CSMD1: variants seen among roughly 807,000 people sequenced by gnomAD.
CSMD1 encodes the protein CUB and Sushi multiple domains 1, also known as CUB and sushi domain-containing protein 1.
A neutral mutation model predicts 417.5 loss-of-function variants in CSMD1; 213 were observed. The observed-to-expected ratio is 0.51, with a 90% CI of 0.46 to 0.57. The LOEUF (loss-of-function observed/expected upper bound fraction) is 0.57, where lower values mean the gene tolerates loss of function less well. Among genes scored for constraint, CSMD1 ranks in the 20% least tolerant of loss-of-function variants. The pLI is 0.00. For synonymous variants in CSMD1, 2,862 were observed against 1,736.8 expected, an observed-to-expected ratio of 1.65 and a Z score of -16.11; for missense variants, 6,923 against 4,529.7, an observed-to-expected ratio of 1.53 and a Z score of -15.17.
chr8:3,669,143 G>C (rs1401848746), intron 7 of CSMD1, among the ~76,000 whole-genome samples: 5 of 152,180 alleles, frequency 3.3e-5, no homozygotes, highest in South Asian at 2.1e-4. Flanking sequence ...GGGCAGAATG[G>C]TTAAAACAAG....
intron 23 of CSMD1, among the ~76,000 whole-genome samples, chr8:3,314,304 G>A (rs1030863478): frequency 6.6e-6 from 1 of 152,100 alleles, no homozygotes; most frequent in African/African-American, 2.4e-5. Context: ...ATTCTACAAA[G>A]ATATTCTTCC....
rs564927181 is a variant in CSMD1, at chr8:4,196,402, C to A, written c.416-164303G>T. On this transcript the variant is annotated intron_variant, in intron 3 of 69. Coordinates refer to ENST00000635120, the MANE Select transcript of CSMD1 (RefSeq NM_033225.6). ...GAAATTCAATACAGGCCTCACTAGACAAAAATCAAGGCGTTTTCAGGCTAC... is the reference window on the plus strand; with the variant it reads ...GAAATTCAATACAGGCCTCACTAGAAAAAAATCAAGGCGTTTTCAGGCTAC... Among the ~76,000 whole-genome samples, 508 of 152,164 alleles carry A rather than the reference C, an allele frequency of 3.3e-3. 8 individuals carry two copies. The highest frequency in any genetic ancestry group is 1.6e-3 in the Non-Finnish European group (110 of 68,004).
At chr8:3,848,370 C>T (rs765313720) in intron 5 of CSMD1, among the ~76,000 whole-genome samples, 1 of 150,622 alleles carries the variant, frequency 6.6e-6, no homozygotes, top group Non-Finnish European at 1.5e-5. Context: ...GAAAAAGACT[C>T]ATTTTTTTTC....
intron 3 of CSMD1, among the ~76,000 whole-genome samples, chr8:4,134,115 G>C (rs1304512019): frequency 1.3e-5 from 2 of 152,060 alleles, no homozygotes; most frequent in South Asian, 2.1e-4. Flanking sequence ...GCTGGTATAA[G>C]AATATCAAAT....
chr8:3,984,560 A>G (rs1724297192), intron 5 of CSMD1, among the ~76,000 whole-genome samples: 1 of 151,576 alleles, frequency 6.6e-6, no homozygotes, highest in Admixed American at 6.6e-5. Flanking sequence ...ATTAAAAAAT[A>G]TATATATAGC....
intron 2 of CSMD1, among the ~76,000 whole-genome samples, chr8:4,515,593 A>G (rs1277275628): frequency 6.6e-6 from 1 of 152,228 alleles, no homozygotes; most frequent in Non-Finnish European, 1.5e-5. Context: ...CTTGCCTTAC[A>G]TGAGACATCT....
intron 26 of CSMD1, among the ~76,000 whole-genome samples, chr8:3,231,447 A>C (rs1798832543): frequency 6.6e-6 from 1 of 152,178 alleles, no homozygotes; most frequent in Non-Finnish European, 1.5e-5. Context: ...GCCTTAAAGT[A>C]ATGAGTAGGC....
chr8:3,946,945 T>A (rs994287384), intron 5 of CSMD1, among the ~76,000 whole-genome samples: 1 of 152,208 alleles, frequency 6.6e-6, no homozygotes, highest in Non-Finnish European at 1.5e-5. Context: ...AACTTTTGTA[T>A]AGATTTAAAA....
chr8:3,565,678 A>T (rs1443291593), intron 10 of CSMD1, among the ~76,000 whole-genome samples: 3 of 152,312 alleles, frequency 2.0e-5, no homozygotes, highest in Admixed American at 6.5e-5. Flanking sequence ...TCTGATAAAC[A>T]TATCAGGATT....
At chr8:3,950,757 A>C (rs1053924593) in intron 5 of CSMD1, among the ~76,000 whole-genome samples, 2 of 152,128 alleles carry the variant, frequency 1.3e-5, no homozygotes, top group Non-Finnish European at 2.9e-5. Context: ...TTTATCTCTT[A>C]CCTCATCGCT....
chr8:4,325,208 T>C (rs1199301563), intron 3 of CSMD1, among the ~76,000 whole-genome samples: 2 of 152,172 alleles, frequency 1.3e-5, no homozygotes, highest in African/African-American at 2.4e-5. Context: ...AAACAGATGA[T>C]ACATTTCCAG....
chr8:4,253,531 A>C (rs1340507775), intron 3 of CSMD1, among the ~76,000 whole-genome samples: 2 of 152,204 alleles, frequency 1.3e-5, no homozygotes, highest in East Asian at 1.9e-4. Flanking sequence ...AAAGAAGAAA[A>C]GGATGATGTT....
intron 3 of CSMD1, among the ~76,000 whole-genome samples, chr8:4,413,909 C>T (rs1326517008): frequency 6.6e-6 from 1 of 152,154 alleles, no homozygotes; most frequent in Non-Finnish European, 1.5e-5. Flanking sequence ...ACCTAATTAG[C>T]CCAGAGGAAA....
At chr8:3,730,018 C>A (rs1454109630) in intron 6 of CSMD1, among the ~76,000 whole-genome samples, 1 of 144,472 alleles carries the variant, frequency 6.9e-6, no homozygotes, top group East Asian at 2.0e-4. Context: ...GGAGAAAAAT[C>A]TTTGGTCGAA....
At position 3,563,923 on chromosome 8, in the gene CSMD1, T is replaced by A. The variant is rs114313053; in HGVS notation, c.1344+11022A>T. Among the ~76,000 whole-genome samples the A allele has an allele frequency of 3.0e-3, 455 of 152,148 alleles. 3 individuals carry two copies. Among genetic ancestry groups the A allele is most frequent in the African/African-American group, 0.01 (427 of 41,514 alleles). On this transcript the variant is annotated intron_variant, in intron 10 of 69. Coordinates refer to ENST00000635120, the MANE Select transcript of CSMD1 (RefSeq NM_033225.6). ...AAAACAGACAAACACACCAACATAT[T>A]TTTAAACCTATTTTTCATGAATACT... is the stretch of plus-strand genomic sequence containing the variant.
chr8:4,479,191 A>G (rs955515421), intron 2 of CSMD1, among the ~76,000 whole-genome samples: 1 of 152,198 alleles, frequency 6.6e-6, no homozygotes, highest in Non-Finnish European at 1.5e-5. Context: ...ACAACCTTGA[A>G]ATGTCTTCAG....
intron 3 of CSMD1, among the ~76,000 whole-genome samples, chr8:4,276,800 G>C (rs1006482053): frequency 1.3e-5 from 2 of 152,006 alleles, no homozygotes; most frequent in Non-Finnish European, 2.9e-5. Flanking sequence ...TAGAACAGTG[G>C]TTTTCCCTGA....
intron 3 of CSMD1, among the ~76,000 whole-genome samples, chr8:4,413,061 G>C (rs544684924): frequency 6.6e-6 from 1 of 152,108 alleles, no homozygotes; most frequent in African/African-American, 2.4e-5. Flanking sequence ...ACAAAATTAC[G>C]CATATAATTT....
intron 30 of CSMD1, among the ~76,000 whole-genome samples, chr8:3,210,260 C>T (rs1284258902): frequency 1.3e-5 from 2 of 152,026 alleles, no homozygotes; most frequent in East Asian, 1.9e-4. Flanking sequence ...TAACATAAAG[C>T]TTTATTTGCA....
Sources: gnomAD v4.1 joint callset for allele counts (sites outside exome capture counted in the v4.1 genomes callset) on GRCh38, gnomAD v4.1.1 for gene constraint, MANE v1.5 for transcripts, NCBI Gene and HGNC (gene_info 2026-07-23, HGNC 2026-07-21) for gene names.